The following GREB1L variants were observed in gnomAD, a reference collection of about 807,000 sequenced individuals.
The protein encoded by GREB1L is GREB1-like protein.
A neutral mutation model predicts 200.8 loss-of-function variants in GREB1L; 17 were observed. The ratio of observed to expected loss-of-function variants is 0.08; its 90% CI spans 0.06 to 0.13. The LOEUF (loss-of-function observed/expected upper bound fraction) is 0.13, where lower values mean the gene tolerates loss of function less well. Ranked by LOEUF, GREB1L falls within the 10% of genes least tolerant of loss-of-function variation. The pLI is 1.00. For synonymous variants in GREB1L, 789 were observed against 893.0 expected (o/e 0.88, Z 2.08); for missense variants, 1,657 against 2,367.7 (o/e 0.70, Z 6.23).
At chr18:21,481,240 G>A (rs1404888818) in intron 17 of GREB1L, among the ~76,000 whole-genome samples, 1 of 152,042 alleles carries the variant, frequency 6.6e-6, no homozygotes, top group Non-Finnish European at 1.5e-5. Context: ...AGGGGGATGG[G>A]GGCAGGAGGA....
intron 7 of GREB1L, among the ~76,000 whole-genome samples, chr18:21,417,688 G>A (rs1313532288): frequency 1.3e-5 from 2 of 151,848 alleles, no homozygotes; most frequent in Non-Finnish European, 2.9e-5. Flanking sequence ...TCTTTACAAG[G>A]CATTGAAAAC....
intron 1 of GREB1L, among the ~76,000 whole-genome samples, chr18:21,360,830 G>A (rs1204621179): frequency 3.3e-5 from 5 of 152,192 alleles, no homozygotes; most frequent in South Asian, 2.1e-4. Context: ...CATGCCTAAT[G>A]ATAAAATATC....
intron 1 of GREB1L, among the ~76,000 whole-genome samples, chr18:21,320,460 G>A (rs2038934236): frequency 6.6e-6 from 1 of 152,090 alleles, no homozygotes; most frequent in African/African-American, 2.4e-5. Context: ...CAAGAAAACA[G>A]ATTAGAAAAA....
At chr18:21,344,349 C>T (rs1397132061) in intron 1 of GREB1L, among the ~76,000 whole-genome samples, 10 of 151,964 alleles carry the variant, frequency 6.6e-5, no homozygotes, top group Non-Finnish European at 1.3e-4. Flanking sequence ...TGCAGTAAGC[C>T]GAGATTGTGT....
At chr18:21,363,273 T>TCCCCCCCC (rs2039606295) in intron 1 of GREB1L, among the ~76,000 whole-genome samples, 1 of 4,764 alleles carries the variant, frequency 2.1e-4, no homozygotes. Context: ...CTGCCCCCAC[T>TCCCCCCCC]CCGCCTCCCC....
intron 1 of GREB1L, among the ~76,000 whole-genome samples, chr18:21,244,507 A>G (rs1175252641): frequency 6.6e-5 from 10 of 152,274 alleles, no homozygotes; most frequent in Admixed American, 5.9e-4. Context: ...TTTCCCACTC[A>G]GTTAGATAAA....
At chr18:21,401,837 A>G (rs1173223085) in intron 6 of GREB1L, 2 of 152,356 alleles carry the variant, frequency 1.3e-5, no homozygotes, top group Admixed American at 1.3e-4. Flanking sequence ...ATAGAAATGA[A>G]TCCAGTTGAA....
At chr18:21,469,590 C>T (rs374489639) in intron 15 of GREB1L, among the ~76,000 whole-genome samples, 2 of 152,254 alleles carry the variant, frequency 1.3e-5, no homozygotes, top group African/African-American at 4.8e-5. Flanking sequence ...GTTAAGTGTG[C>T]CCATTGCTAC....
chr18:21,405,239 A>G (rs779483815), intron 7 of GREB1L, among the ~76,000 whole-genome samples: 42 of 152,236 alleles, frequency 2.8e-4, no homozygotes, highest in Non-Finnish European at 1.2e-4. Flanking sequence ...AGAAAGAAAC[A>G]AGTTAGCATT....
intron 31 of GREB1L, among the ~76,000 whole-genome samples, chr18:21,519,125 T>C (rs1287524302): frequency 6.6e-6 from 1 of 152,170 alleles, no homozygotes; most frequent in African/African-American, 2.4e-5. Context: ...GTAGATTGGG[T>C]AATGAATTAT....
At chr18:21,251,569 A>G (rs1302127549) in intron 1 of GREB1L, among the ~76,000 whole-genome samples, 1 of 152,226 alleles carries the variant, frequency 6.6e-6, no homozygotes, top group Admixed American at 6.5e-5. Flanking sequence ...ATTTAAAAAC[A>G]TTTTTGTAAA....
intron 18 of GREB1L, among the ~76,000 whole-genome samples, chr18:21,487,435 G>C (rs2145828591): frequency 6.6e-6 from 1 of 152,304 alleles, no homozygotes; most frequent in Middle Eastern, 3.4e-3. Context: ...CATTAAGCTT[G>C]AAACATAGAT....
chr18:21,458,575 C>T (rs1307827094), intron 15 of GREB1L, among the ~76,000 whole-genome samples: 3 of 152,102 alleles, frequency 2.0e-5, no homozygotes, highest in African/African-American at 7.2e-5. Context: ...AAAATAGAAA[C>T]CATCACGTTG....
At chr18:21,376,810 C>G (rs1015310591) in intron 2 of GREB1L, among the ~76,000 whole-genome samples, 1 of 99,958 alleles carries the variant, frequency 1.0e-5, no homozygotes, top group African/African-American at 4.7e-5. Context: ...GAGAGTCCGT[C>G]TCAAAAAAAA....
At chr18:21,460,371 GT>G (rs1188611428) in intron 15 of GREB1L, among the ~76,000 whole-genome samples, 3 of 152,010 alleles carry the variant, frequency 2.0e-5, no homozygotes, top group African/African-American at 7.2e-5. Context: ...TTGAGACAGA[GT>G]TTCGCTTTTG....
chr18:21,489,128 C>T (rs1193355325), intron 18 of GREB1L, among the ~76,000 whole-genome samples: 1 of 152,130 alleles, frequency 6.6e-6, no homozygotes, highest in Non-Finnish European at 1.5e-5. Context: ...TGAGGCGTAG[C>T]ACCAAAAGGA....
intron 7 of GREB1L, among the ~76,000 whole-genome samples, chr18:21,426,246 CG>C (rs377109578): frequency 2.6e-5 from 4 of 151,820 alleles, no homozygotes; most frequent in African/African-American, 9.7e-5. Flanking sequence ...TTGGTACAGA[CG>C]GGGGTTTCAC....
At chr18:21,453,174 G>A (rs529048594) in intron 14 of GREB1L, among the ~76,000 whole-genome samples, 1 of 152,322 alleles carries the variant, frequency 6.6e-6, no homozygotes, top group East Asian at 1.9e-4. Context: ...CTTGTTTAAA[G>A]ATGTTTTTGA....
At chr18:21,450,410 T>G (rs983751697) in intron 12 of GREB1L, among the ~76,000 whole-genome samples, 2 of 152,356 alleles carry the variant, frequency 1.3e-5, no homozygotes, top group South Asian at 2.1e-4. Context: ...TTCTCTGTAC[T>G]GAATGGCTCT....
Sources: allele counts gnomAD v4.1 joint callset (sites outside exome capture counted in the v4.1 genomes callset), GRCh38; gene constraint gnomAD v4.1.1; transcripts MANE v1.5; gene names NCBI Gene and HGNC (gene_info 2026-07-23, HGNC 2026-07-21).